ZNF804B: variants seen among roughly 807,000 people sequenced by gnomAD.
The protein encoded by ZNF804B is zinc finger 804B.
ZNF804B carries 80 observed loss-of-function variants against 101.4 expected under a neutral mutation model. The ratio of observed to expected loss-of-function variants is 0.79; its 90% confidence interval spans 0.66 to 0.95. The LOEUF (loss-of-function observed/expected upper bound fraction) is 0.95, where lower values mean the gene tolerates loss of function less well. Among genes scored for constraint, ZNF804B ranks in the 40% least tolerant of loss-of-function variants. The pLI, the probability that ZNF804B is intolerant of heterozygous loss-of-function variation, is 0.00. For missense variants in ZNF804B, 1,673 were observed against 1,561.9 expected, an observed-to-expected ratio of 1.07 and a Z score of -1.20; for synonymous variants, 622 against 558.8, an observed-to-expected ratio of 1.11 and a Z score of -1.59.
At position 89,218,235 on chromosome 7, in the gene ZNF804B, G is replaced by A. The variant is rs751577309; in HGVS notation, c.189G>A (p.Gln63=). The A allele has an allele frequency of 6.2e-7, 1 of 1,613,870 alleles. No individual in the cohort carries two copies. Among genetic ancestry groups the A allele is most frequent in the Non-Finnish European group, 8.5e-7 (1 of 1,179,836 alleles). ...ANFYCELCDK[Q]YHKHQEFDNH... The stretch of plus-strand genomic sequence containing the variant: ...TTTACTGTGAATTATGTGACAAGCA[G>A]TATCACAAACACCAGGAGTTTGACA... Residue 63 remains glutamine (Q), a synonymous_variant, in exon 2 of 4, where the codon CAG becomes CAA. Coordinates refer to ENST00000333190, the MANE Select transcript of ZNF804B (RefSeq NM_181646.5).
intron 1 of ZNF804B, among the ~76,000 whole-genome samples, chr7:88,769,484 A>G (rs1233166419): frequency 6.6e-6 from 1 of 152,188 alleles, no homozygotes; most frequent in Non-Finnish European, 1.5e-5. Flanking sequence ...GAAGGCCACA[A>G]GAAACTGAAG....
At chr7:89,114,453 C>A (rs926909231) in intron 1 of ZNF804B, among the ~76,000 whole-genome samples, 2 of 152,156 alleles carry the variant, frequency 1.3e-5, no homozygotes, top group Non-Finnish European at 2.9e-5. Context: ...TCAGACATTG[C>A]AGCACATTTG....
intron 1 of ZNF804B, among the ~76,000 whole-genome samples, chr7:89,216,426 C>T (rs981738913): frequency 6.6e-6 from 1 of 152,196 alleles, no homozygotes; most frequent in African/African-American, 2.4e-5. Flanking sequence ...TCTCACTTCT[C>T]AATAGTGATT....
At chr7:88,796,676 C>T (rs891811870) in intron 1 of ZNF804B, among the ~76,000 whole-genome samples, 4 of 152,124 alleles carry the variant, frequency 2.6e-5, no homozygotes, top group South Asian at 2.1e-4. Flanking sequence ...CTGGAAAATA[C>T]TTAGGCTCTG....
intron 1 of ZNF804B, among the ~76,000 whole-genome samples, chr7:88,971,127 G>T (rs1046220465): frequency 1.3e-5 from 2 of 151,338 alleles, no homozygotes; most frequent in Non-Finnish European, 3.0e-5. Context: ...GCTAGCAGAT[G>T]GTCTTAAAAG....
intron 1 of ZNF804B, among the ~76,000 whole-genome samples, chr7:88,858,871 T>C (rs1027202547): frequency 6.6e-6 from 1 of 152,146 alleles, no homozygotes; most frequent in African/African-American, 2.4e-5. Context: ...TCTGACTTTT[T>C]GTTTTTCTGG....
intron 1 of ZNF804B, among the ~76,000 whole-genome samples, chr7:88,816,389 A>G (rs1033225842): frequency 6.6e-6 from 1 of 152,180 alleles, no homozygotes; most frequent in Admixed American, 6.5e-5. Flanking sequence ...AATGGGATCT[A>G]ATTAAACTAA....
At chr7:88,775,620 T>C (rs1457851754) in intron 1 of ZNF804B, among the ~76,000 whole-genome samples, 1 of 152,198 alleles carries the variant, frequency 6.6e-6, no homozygotes. Flanking sequence ...GTTCCAAAGT[T>C]GAGTCATCAC....
intron 3 of ZNF804B, 142 bp downstream of exon 3, chr7:89,327,616 A>G (rs915213895): frequency 9.1e-7 from 1 of 1,104,836 alleles, no homozygotes; most frequent in Non-Finnish European, 1.2e-6. Context: ...TTAAACATAC[A>G]TAAATTAATA....
chr7:89,193,275 T>G lies in ZNF804B; in HGVS notation c.109-24880T>G, dbSNP rs567322292. 2.3e-4 allele frequency among the ~76,000 whole-genome samples: 34 copies of G among 145,418 alleles called. No individual in the cohort carries two copies. The East Asian group carries it at 3.8e-3, about 16-fold the overall frequency. On this transcript the variant is annotated intron_variant, in intron 1 of 3. Coordinates refer to ENST00000333190, the MANE Select transcript of ZNF804B (RefSeq NM_181646.5). ...TATCATCTCAGCCCAAAAGCTTCGT[T>G]TTTTTTTTTTATAGTCTACTTTCTA...
chr7:89,334,013 A>C lies in ZNF804B; in HGVS notation c.1031A>C (p.Glu344Ala). The C allele has an allele frequency of 6.2e-7, 1 of 1,613,414 alleles. No homozygotes were observed. Among genetic ancestry groups the C allele is most frequent in the Non-Finnish European group, 8.5e-7 (1 of 1,179,726 alleles). ...TTTACTCCTACCAGCAGAGAAAAAG[A>C]AACTAGAAATACATTGAAGAACACT... ...VDFTPTSREKETRNTLKNTLE... is the reference protein window; with the variant it reads ...VDFTPTSREKATRNTLKNTLE... Residue 344 changes from glutamate to alanine, a missense_variant, in exon 4 of 4, where the codon GAA (glutamate) becomes GCA (alanine). By Grantham distance (107) the Glu-to-Ala change is moderately radical. Transcript: ENST00000333190.
At chr7:89,121,475 A>C (rs544786379) in intron 1 of ZNF804B, among the ~76,000 whole-genome samples, 1 of 152,308 alleles carries the variant, frequency 6.6e-6, no homozygotes, top group East Asian at 1.9e-4. Flanking sequence ...TAATACAAAC[A>C]GTTAAAAAAT....
At chr7:88,982,869 G>A (rs984571430) in intron 1 of ZNF804B, among the ~76,000 whole-genome samples, 1 of 152,016 alleles carries the variant, frequency 6.6e-6, no homozygotes, top group African/African-American at 2.4e-5. Flanking sequence ...GTCATGGGAA[G>A]GAATCTGACT....
intron 1 of ZNF804B, among the ~76,000 whole-genome samples, chr7:88,932,721 C>G (rs1235740803): frequency 2.0e-5 from 3 of 151,374 alleles, no homozygotes; most frequent in Non-Finnish European, 4.4e-5. Context: ...CTAAGCAGAC[C>G]AATAACAAGC....
intron 2 of ZNF804B, among the ~76,000 whole-genome samples, chr7:89,249,195 C>A (rs1286865770): frequency 6.6e-6 from 1 of 152,092 alleles, no homozygotes; most frequent in African/African-American, 2.4e-5. Context: ...CACACAATAA[C>A]AGTGGGGGAC....
chr7:89,253,365 GCAT>G (rs1469898551), intron 2 of ZNF804B, among the ~76,000 whole-genome samples: 1 of 151,980 alleles, frequency 6.6e-6, no homozygotes. Flanking sequence ...TAATAAAGAG[GCAT>G]CAGCCAAAAG....
intron 1 of ZNF804B, among the ~76,000 whole-genome samples, chr7:89,188,297 T>C (rs1788404720): frequency 1.3e-5 from 2 of 152,106 alleles, no homozygotes; most frequent in African/African-American, 4.8e-5. Context: ...AAGAACCATG[T>C]TCATATAGAA....
At chr7:89,146,903 C>A (rs1205209426) in intron 1 of ZNF804B, among the ~76,000 whole-genome samples, 1 of 151,508 alleles carries the variant, frequency 6.6e-6, no homozygotes, top group Non-Finnish European at 1.5e-5. Flanking sequence ...TTGTTTGCAC[C>A]TGTTAATCCC....
intron 1 of ZNF804B, among the ~76,000 whole-genome samples, chr7:89,042,313 T>C (rs2116250469): frequency 6.6e-6 from 1 of 152,298 alleles, no homozygotes; most frequent in Non-Finnish European, 1.5e-5. Context: ...GAAAGTTCTG[T>C]TTGAAGTCTT....
Sources: allele counts gnomAD v4.1 joint callset (sites outside exome capture counted in the v4.1 genomes callset), GRCh38; gene constraint gnomAD v4.1.1; transcripts MANE v1.5; gene names NCBI Gene and HGNC (gene_info 2026-07-23, HGNC 2026-07-21).